Variants in WWOX observed in about 807,000 individuals in gnomAD.
WWOX encodes WW domain-containing oxidoreductase.
A neutral mutation model predicts 46.2 loss-of-function variants in WWOX; 69 were observed. The observed-to-expected ratio is 1.49, with a 90% confidence interval of 1.23 to 1.82. The LOEUF is 1.82. WWOX is among the 40% of genes most tolerant of loss of function. The pLI is 0.00. For synonymous variants in WWOX, 359 were observed against 202.6 expected (o/e 1.77, Z -6.56); for missense variants, 919 against 542.6 (o/e 1.69, Z -6.89).
intron 8 of WWOX, among the ~76,000 whole-genome samples, chr16:78,849,018 G>A (rs2052371637): frequency 6.6e-6 from 1 of 152,206 alleles, no homozygotes; most frequent in South Asian, 2.1e-4. Context: ...ATGAGCAGCA[G>A]TAGGATGGGT....
chr16:78,212,142 A>G (rs1266954146), intron 5 of WWOX, among the ~76,000 whole-genome samples: 1 of 152,200 alleles, frequency 6.6e-6, no homozygotes, highest in Admixed American at 6.5e-5. Flanking sequence ...TCCAGAGGCT[A>G]GCACCTGGCC....
At chr16:78,326,655 C>T (rs1163610951) in intron 5 of WWOX, among the ~76,000 whole-genome samples, 1 of 141,350 alleles carries the variant, frequency 7.1e-6, no homozygotes, top group African/African-American at 2.6e-5. Context: ...TATTTTCTGG[C>T]ATACAGCATA....
chr16:79,111,738 G>GTATTTAGGCTCATCATATTA (rs1409930812), intron 8 of WWOX, among the ~76,000 whole-genome samples: 3 of 152,186 alleles, frequency 2.0e-5, no homozygotes, highest in Non-Finnish European at 4.4e-5. Context: ...AGTGACAAAA[G>GTATTTAGGCTCATCATATTA]TATTTAGGCT....
chr16:78,797,358 T>TAAAAAAAAAAA (rs57291441), intron 8 of WWOX, among the ~76,000 whole-genome samples: 3 of 116,644 alleles, frequency 2.6e-5, no homozygotes, highest in African/African-American at 7.6e-5. Context: ...GTCAAAGTGG[T>TAAAAAAAAAAA]AAAAAAAAAA....
intron 8 of WWOX, among the ~76,000 whole-genome samples, chr16:78,979,663 A>G (rs2046642949): frequency 6.6e-6 from 1 of 152,116 alleles, no homozygotes; most frequent in South Asian, 2.1e-4. Flanking sequence ...TAAGACAATG[A>G]TCAGTACCCA....
At chr16:79,142,080 A>G (rs1347697874) in intron 8 of WWOX, among the ~76,000 whole-genome samples, 2 of 152,140 alleles carry the variant, frequency 1.3e-5, no homozygotes, top group Admixed American at 1.3e-4. Flanking sequence ...CTTCTTCTCC[A>G]TCTCCTGCCC....
At chr16:78,466,804 C>T (rs969613122) in intron 8 of WWOX, among the ~76,000 whole-genome samples, 2 of 152,144 alleles carry the variant, frequency 1.3e-5, no homozygotes, top group Non-Finnish European at 2.9e-5. Flanking sequence ...GCCGATATCT[C>T]ACCTCTGCAC....
intron 8 of WWOX, among the ~76,000 whole-genome samples, chr16:78,502,184 T>A (rs74029398): frequency 1.3e-5 from 2 of 152,160 alleles, no homozygotes; most frequent in South Asian, 4.1e-4. Context: ...TTTAATAGTT[T>A]TATTGATATA....
Position 78,578,278 on chromosome 16 carries a change from A to ATTTTTT in WWOX, c.1056+145527_1056+145528insTTTTTT, listed in dbSNP as rs2044949393. On this transcript the variant is annotated intron_variant, in intron 8 of 8. Coordinates refer to ENST00000566780, the MANE Select transcript of WWOX (RefSeq NM_016373.4). ...TTTATATATATATATATATATATAT[A>ATTTTTT]TATATATTTTTTTTTTTTTTTTTTT... 4.7e-4 allele frequency among the ~76,000 whole-genome samples: 16 copies of ATTTTTT among 33,834 alleles called. 1 individual carries two copies. The highest frequency in any genetic ancestry group is 1.5e-3 in the African/African-American group (11 of 7,310). 22.2% of individuals were successfully genotyped at this position (33,834 alleles called of 152,430 possible).
intron 5 of WWOX, among the ~76,000 whole-genome samples, chr16:78,364,505 A>G (rs1032135134): frequency 7.2e-5 from 11 of 152,220 alleles, no homozygotes; most frequent in Middle Eastern, 3.4e-3. Flanking sequence ...TGTGTCATAT[A>G]TAATTTTGTT....
intron 5 of WWOX, among the ~76,000 whole-genome samples, chr16:78,306,108 C>T (rs1416147025): frequency 6.6e-6 from 1 of 151,944 alleles, no homozygotes; most frequent in Non-Finnish European, 1.5e-5. Context: ...TGCCTGTCTT[C>T]CAAAGGATTT....
At chr16:78,513,821 G>A (rs7195479) in intron 8 of WWOX, among the ~76,000 whole-genome samples, 26,130 of 151,694 alleles carry the variant, frequency 0.17, 2,361 homozygotes, top group African/African-American at 0.21. Flanking sequence ...TACTTTACAC[G>A]TCTTGGAATC....
At chr16:78,816,339 C>T (rs146621388) in intron 8 of WWOX, among the ~76,000 whole-genome samples, 4 of 152,038 alleles carry the variant, frequency 2.6e-5, no homozygotes, top group Non-Finnish European at 2.9e-5. Flanking sequence ...ATCGAGGACT[C>T]CAGATGTAAC....
At chr16:78,181,970 C>T (rs896192715) in intron 5 of WWOX, among the ~76,000 whole-genome samples, 9 of 152,142 alleles carry the variant, frequency 5.9e-5, no homozygotes, top group East Asian at 5.8e-4. Flanking sequence ...GTTCCTTTTC[C>T]GCACCAGGCT....
chr16:78,432,003 A>G (rs921467466), intron 7 of WWOX, among the ~76,000 whole-genome samples: 8 of 152,170 alleles, frequency 5.3e-5, no homozygotes, highest in African/African-American at 1.7e-4. Context: ...GGCATGAGCC[A>G]CCAGACATGA....
intron 5 of WWOX, among the ~76,000 whole-genome samples, chr16:78,287,692 G>T (rs1039849742): frequency 1.3e-5 from 2 of 152,044 alleles, no homozygotes; most frequent in African/African-American, 4.8e-5. Context: ...AGGCCAAAAC[G>T]GCCATCTCCT....
At chr16:79,033,628 G>A (rs1379321607) in intron 8 of WWOX, among the ~76,000 whole-genome samples, 2 of 152,022 alleles carry the variant, frequency 1.3e-5, no homozygotes, top group African/African-American at 4.8e-5. Flanking sequence ...CATTCATATT[G>A]TTGTGCTAAC....
intron 8 of WWOX, among the ~76,000 whole-genome samples, chr16:78,482,411 C>G (rs1446070869): frequency 1.3e-5 from 2 of 152,068 alleles, no homozygotes; most frequent in South Asian, 2.1e-4. Context: ...TAGTTAGACA[C>G]CAGGTTTCAC....
At chr16:78,980,117 G>C (rs1489782417) in intron 8 of WWOX, among the ~76,000 whole-genome samples, 4 of 152,176 alleles carry the variant, frequency 2.6e-5, no homozygotes, top group Admixed American at 2.6e-4. Flanking sequence ...AACAGAGCGA[G>C]ACTCCATCTC....
Sources: allele counts gnomAD v4.1 joint callset (sites outside exome capture counted in the v4.1 genomes callset), GRCh38; gene constraint gnomAD v4.1.1; transcripts MANE v1.5; gene names NCBI Gene and HGNC (gene_info 2026-07-23, HGNC 2026-07-21).